MYMX: variants seen among roughly 807,000 people sequenced by gnomAD.
The protein encoded by MYMX is myomixer, myoblast fusion factor.
chr6:44,211,788 T>TGTGTG, the MYMX span, among the ~76,000 whole-genome samples: 1 of 126,382 alleles, frequency 7.9e-6, no homozygotes, highest in Non-Finnish European at 1.6e-5. Context: ...CAGCTAGGTT[T>TGTGTG]TGTGTGTGTG....
At chr6:44,196,537 G>C in the MYMX span, among the ~76,000 whole-genome samples, 4 of 151,568 alleles carry the variant, frequency 2.6e-5, no homozygotes, top group African/African-American at 4.9e-5. Context: ...AAATTAGCTG[G>C]GCGTGGCGAT....
the MYMX span, among the ~76,000 whole-genome samples, chr6:44,197,835 C>G: frequency 6.6e-6 from 1 of 152,168 alleles, no homozygotes; most frequent in African/African-American, 2.4e-5. Context: ...GATCCTCCTG[C>G]ATCACCCTCC....
At chr6:44,207,994 G>A in the MYMX span, among the ~76,000 whole-genome samples, 4 of 152,222 alleles carry the variant, frequency 2.6e-5, no homozygotes, top group African/African-American at 7.2e-5. Context: ...TTGGGAGGGC[G>A]AGACAGGTGG....
At chr6:44,215,414 A>T (rs965592309), upstream of MYMX, among the ~76,000 whole-genome samples, 1 of 151,932 alleles carries the variant, frequency 6.6e-6, no homozygotes, top group African/African-American at 2.4e-5. Flanking sequence ...TCTCTACAAA[A>T]TAAATTTTAA....
upstream of MYMX, among the ~76,000 whole-genome samples, chr6:44,212,677 G>C (rs949110148): frequency 1.3e-5 from 2 of 151,692 alleles, no homozygotes; most frequent in African/African-American, 4.8e-5. Context: ...AAAATTTAAT[G>C]AATTTATTTA....
At chr6:44,215,991 T>C (rs1775843154), upstream of MYMX, among the ~76,000 whole-genome samples, 1 of 152,210 alleles carries the variant, frequency 6.6e-6, no homozygotes, top group South Asian at 2.1e-4. Flanking sequence ...TAGAATTTCA[T>C]TTAATCTGAG....
At chr6:44,195,992 G>C in the MYMX span, among the ~76,000 whole-genome samples, 337 of 152,116 alleles carry the variant, frequency 2.2e-3, 2 homozygotes, top group African/African-American at 7.0e-3. Context: ...CCCAGGCCGG[G>C]AGTGCAGTGG....
the MYMX span, among the ~76,000 whole-genome samples, chr6:44,208,735 G>A: frequency 6.6e-6 from 1 of 152,178 alleles, no homozygotes; most frequent in African/African-American, 2.4e-5. Flanking sequence ...TGAGTGGCAA[G>A]GATCACTTTG....
chr6:44,211,798 G>GTGTGTGTGTGTGTA, the MYMX span, among the ~76,000 whole-genome samples: 2 of 149,600 alleles, frequency 1.3e-5, no homozygotes, highest in Non-Finnish European at 3.0e-5. Context: ...TTGTGTGTGT[G>GTGTGTGTGTGTGTA]TGTGTGTGTG....
chr6:44,196,569 C>T, the MYMX span, among the ~76,000 whole-genome samples: 1 of 152,128 alleles, frequency 6.6e-6, no homozygotes, highest in Admixed American at 6.6e-5. Context: ...ATCCCTGCTA[C>T]TCAGAAGGCT....
the MYMX span, among the ~76,000 whole-genome samples, chr6:44,211,619 C>CTT: frequency 2.2e-5 from 3 of 137,420 alleles, no homozygotes; most frequent in Non-Finnish European, 3.2e-5. Flanking sequence ...CTTTTCTTTT[C>CTT]TTTTTTTTTT....
the MYMX span, among the ~76,000 whole-genome samples, chr6:44,202,472 G>C: frequency 6.6e-6 from 1 of 151,686 alleles, no homozygotes; most frequent in African/African-American, 2.4e-5. Flanking sequence ...AGGAGATTTG[G>C]TCAGTTTCCT....
the MYMX span, among the ~76,000 whole-genome samples, chr6:44,193,615 T>C: frequency 1.3e-5 from 2 of 152,208 alleles, no homozygotes; most frequent in Non-Finnish European, 2.9e-5. Flanking sequence ...TATTATTTGG[T>C]CTCAGAGCTG....
chr6:44,206,450 TA>T, the MYMX span, among the ~76,000 whole-genome samples: 1 of 152,182 alleles, frequency 6.6e-6, no homozygotes, highest in Non-Finnish European at 1.5e-5. Flanking sequence ...CAGGCTGGTC[TA>T]AAACTCCTGG....
At chr6:44,203,403 A>T in the MYMX span, among the ~76,000 whole-genome samples, 1 of 152,210 alleles carries the variant, frequency 6.6e-6, no homozygotes, top group Non-Finnish European at 1.5e-5. Flanking sequence ...CCTGGGAAAA[A>T]GAGACAAAAG....
At chr6:44,200,165 C>T in the MYMX span, among the ~76,000 whole-genome samples, 1 of 149,786 alleles carries the variant, frequency 6.7e-6, no homozygotes, top group Non-Finnish European at 1.5e-5. Flanking sequence ...GAAGAGCCTA[C>T]CTCTTAAAAA....
At chr6:44,205,278 G>A in the MYMX span, among the ~76,000 whole-genome samples, 37 of 151,970 alleles carry the variant, frequency 2.4e-4, no homozygotes, top group Non-Finnish European at 4.4e-4. Context: ...ACCCCCCAGG[G>A]TCAGGGTATG....
At chr6:44,207,424 C>T in the MYMX span, among the ~76,000 whole-genome samples, 1 of 152,208 alleles carries the variant, frequency 6.6e-6, no homozygotes, top group Non-Finnish European at 1.5e-5. Context: ...CAGGCATGAG[C>T]CACCGTGCCT....
At chr6:44,202,481 C>T in the MYMX span, among the ~76,000 whole-genome samples, 2 of 151,240 alleles carry the variant, frequency 1.3e-5, no homozygotes, top group African/African-American at 2.4e-5. Flanking sequence ...GGTCAGTTTC[C>T]TCAAAGTTGC....
Sources: allele counts gnomAD v4.1 joint callset (sites outside exome capture counted in the v4.1 genomes callset), GRCh38; gene constraint gnomAD v4.1.1; transcripts MANE v1.5; gene names NCBI Gene and HGNC (gene_info 2026-07-23, HGNC 2026-07-21).